The following HPSE2 variants were observed in gnomAD, a reference collection of about 807,000 sequenced individuals.
HPSE2 encodes inactive heparanase-2.
HPSE2 carries 38 observed loss-of-function variants against 60.5 expected under a neutral mutation model. The ratio of observed to expected loss-of-function variants is 0.63; its 90% CI spans 0.48 to 0.82. The LOEUF (loss-of-function observed/expected upper bound fraction) is 0.82. Ranked by LOEUF, HPSE2 falls within the 40% of genes least tolerant of loss-of-function variation. The pLI, the probability that HPSE2 is intolerant of heterozygous loss-of-function variation, is 0.00. For missense variants in HPSE2, 713 were observed against 740.4 expected (o/e 0.96, Z 0.43); for synonymous variants, 295 against 293.2 (o/e 1.01, Z -0.06).
chr10:99,250,279 C>T, the HPSE2 span, among the ~76,000 whole-genome samples: 1 of 152,124 alleles, frequency 6.6e-6, no homozygotes, highest in Non-Finnish European at 1.5e-5. Flanking sequence ...GCTTCCTGTA[C>T]AGTCTATGGA....
intron 3 of HPSE2, among the ~76,000 whole-genome samples, chr10:99,081,885 C>T (rs917849847): frequency 6.6e-6 from 1 of 152,124 alleles, no homozygotes; most frequent in Non-Finnish European, 1.5e-5. Flanking sequence ...ATCCGCCCGC[C>T]TGGGCCTCCC....
At chr10:99,297,055 C>T in the HPSE2 span, among the ~76,000 whole-genome samples, 13 of 152,314 alleles carry the variant, frequency 8.5e-5, no homozygotes, top group South Asian at 6.2e-4. Flanking sequence ...ACATTTTCCC[C>T]GGCAAGCAGC....
chr10:98,639,523 C>A (rs1461896789), intron 7 of HPSE2, among the ~76,000 whole-genome samples: 1 of 152,110 alleles, frequency 6.6e-6, no homozygotes, highest in African/African-American at 2.4e-5. Flanking sequence ...TACTGTTCCT[C>A]CCAGTGACAG....
At chr10:98,563,685 CA>C (rs1216015523) in intron 9 of HPSE2, among the ~76,000 whole-genome samples, 1 of 152,144 alleles carries the variant, frequency 6.6e-6, no homozygotes, top group Non-Finnish European at 1.5e-5. Context: ...GAGATAACCA[CA>C]CTTGACATTT....
chr10:98,710,903 C>T (rs1948661417), intron 5 of HPSE2, among the ~76,000 whole-genome samples: 1 of 151,956 alleles, frequency 6.6e-6, no homozygotes, highest in South Asian at 2.1e-4. Context: ...AGTGCCAGGC[C>T]CTGTTTACTA....
intron 3 of HPSE2, among the ~76,000 whole-genome samples, chr10:99,007,703 A>C (rs568546553): frequency 2.0e-5 from 3 of 152,326 alleles, no homozygotes; most frequent in East Asian, 3.9e-4. Context: ...TCTAATTGCC[A>C]TATTTACTGA....
At chr10:98,785,569 GT>G (rs1363918453) in intron 3 of HPSE2, among the ~76,000 whole-genome samples, 4 of 114,620 alleles carry the variant, frequency 3.5e-5, no homozygotes, top group Non-Finnish European at 7.1e-5. Flanking sequence ...AATCCATCTG[GT>G]CCTGGACTCT....
At chr10:99,133,184 C>T (rs1261348887) in intron 3 of HPSE2, among the ~76,000 whole-genome samples, 1 of 152,234 alleles carries the variant, frequency 6.6e-6, no homozygotes, top group Admixed American at 6.5e-5. Flanking sequence ...GGCCAGACTG[C>T]CAGATTTCCC....
intron 3 of HPSE2, among the ~76,000 whole-genome samples, chr10:98,796,922 C>G (rs1002576438): frequency 1.3e-5 from 2 of 152,196 alleles, no homozygotes; most frequent in African/African-American, 2.4e-5. Flanking sequence ...TATCCAAGAC[C>G]ACCAAGGTGG....
At chr10:99,315,150 A>G in the HPSE2 span, among the ~76,000 whole-genome samples, 1 of 152,240 alleles carries the variant, frequency 6.6e-6, no homozygotes, top group Non-Finnish European at 1.5e-5. Flanking sequence ...ATGTTAATGC[A>G]TTAAGTAAAA....
intron 3 of HPSE2, among the ~76,000 whole-genome samples, chr10:98,878,492 G>A (rs182771568): frequency 2.6e-5 from 4 of 151,914 alleles, no homozygotes; most frequent in African/African-American, 9.7e-5. Context: ...GGACAAGTTG[G>A]CTAAGGGTAA....
chr10:99,220,727 C>G (rs1440153456), intron 2 of HPSE2, among the ~76,000 whole-genome samples: 1 of 150,088 alleles, frequency 6.7e-6, no homozygotes, highest in South Asian at 2.1e-4. Context: ...CTCTTGAACC[C>G]GGGAGGTGGA....
At chr10:98,662,484 T>A (rs1482607695) in intron 6 of HPSE2, among the ~76,000 whole-genome samples, 1 of 152,108 alleles carries the variant, frequency 6.6e-6, no homozygotes, top group Admixed American at 6.5e-5. Context: ...ATGTTCTCAC[T>A]TATAAGTGGG....
At chr10:98,993,370 G>C (rs941491256) in intron 3 of HPSE2, among the ~76,000 whole-genome samples, 1 of 152,152 alleles carries the variant, frequency 6.6e-6, no homozygotes, top group African/African-American at 2.4e-5. Flanking sequence ...ACAATGATTT[G>C]TTAAAATTGA....
At chr10:98,523,573 T>C (rs1324448234) in intron 9 of HPSE2, among the ~76,000 whole-genome samples, 1 of 152,218 alleles carries the variant, frequency 6.6e-6, no homozygotes, top group Non-Finnish European at 1.5e-5. Context: ...AATTTGATAA[T>C]TCTGACATTT....
At chr10:99,259,892 T>A in the HPSE2 span, among the ~76,000 whole-genome samples, 3 of 152,200 alleles carry the variant, frequency 2.0e-5, no homozygotes, top group African/African-American at 7.2e-5. Context: ...GGCTGTGTAC[T>A]CCTTATGAGA....
intron 9 of HPSE2, among the ~76,000 whole-genome samples, chr10:98,596,256 T>A (rs539631303): frequency 6.6e-6 from 1 of 152,356 alleles, no homozygotes; most frequent in South Asian, 2.1e-4. Context: ...TCCCACATTT[T>A]ATAATTTTGA....
chr10:98,870,054 G>C (rs907738167), intron 3 of HPSE2, among the ~76,000 whole-genome samples: 11 of 152,152 alleles, frequency 7.2e-5, no homozygotes, highest in Non-Finnish European at 1.0e-4. Flanking sequence ...CTTGCAAACT[G>C]TCATTTTATT....
chr10:99,247,817 T>C, the HPSE2 span, among the ~76,000 whole-genome samples: 5 of 152,168 alleles, frequency 3.3e-5, no homozygotes, highest in South Asian at 2.1e-4. Flanking sequence ...CCTTTTCTGT[T>C]CTCATGACAC....
Sources: allele counts gnomAD v4.1 joint callset (sites outside exome capture counted in the v4.1 genomes callset), GRCh38; gene constraint gnomAD v4.1.1; transcripts MANE v1.5; gene names NCBI Gene and HGNC (gene_info 2026-07-23, HGNC 2026-07-21).